The following KCNN2 variants were observed in gnomAD, a reference collection of about 807,000 sequenced individuals.
KCNN2 encodes small conductance calcium-activated potassium channel protein 2.
KCNN2 carries 24 observed loss-of-function variants against 55.5 expected under a neutral mutation model. The observed-to-expected ratio is 0.43, with a 90% confidence interval of 0.31 to 0.61. The LOEUF is 0.61. Ranked by LOEUF, KCNN2 falls within the 20% of genes least tolerant of loss-of-function variation. The probability of loss-of-function intolerance (pLI) is 0.08; values close to 1 mark genes in which losing one functional copy is unlikely to be tolerated. For synonymous variants in KCNN2, 431 were observed against 336.1 expected, an observed-to-expected ratio of 1.28 and a Z score of -3.09; for missense variants, 754 against 853.6, an observed-to-expected ratio of 0.88 and a Z score of 1.45.
intron 2 of KCNN2, among the ~76,000 whole-genome samples, chr5:114,277,457 G>A (rs983327092): frequency 2.4e-4 from 36 of 152,242 alleles, no homozygotes; most frequent in Non-Finnish European, 3.5e-4. Flanking sequence ...CATTCTCCCC[G>A]TCACTTTTAG....
chr5:114,091,217 C>T (rs1751137243), intron 1 of KCNN2, among the ~76,000 whole-genome samples: 1 of 152,060 alleles, frequency 6.6e-6, no homozygotes, highest in African/African-American at 2.4e-5. Flanking sequence ...GGTGGTCAGT[C>T]AAAATTAACC....
intron 1 of KCNN2, among the ~76,000 whole-genome samples, chr5:114,149,825 C>G (rs1311278354): frequency 6.6e-6 from 1 of 152,170 alleles, no homozygotes; most frequent in East Asian, 1.9e-4. Flanking sequence ...TGAAGCTAGA[C>G]AACCGGTTAG....
chr5:114,228,162 T>C (rs1754277061), intron 2 of KCNN2, among the ~76,000 whole-genome samples: 1 of 152,132 alleles, frequency 6.6e-6, no homozygotes, highest in Non-Finnish European at 1.5e-5. Flanking sequence ...CAATAAAATT[T>C]CAGTCTTGAG....
chr5:114,157,470 G>T (rs1752661045), intron 1 of KCNN2, among the ~76,000 whole-genome samples: 1 of 152,104 alleles, frequency 6.6e-6, no homozygotes, highest in Non-Finnish European at 1.5e-5. Context: ...AAACATACAT[G>T]TGCATGTGTC....
chr5:114,147,954 T>C (rs1435557189), intron 1 of KCNN2, among the ~76,000 whole-genome samples: 4 of 152,184 alleles, frequency 2.6e-5, no homozygotes, highest in African/African-American at 9.6e-5. Context: ...AATTAATTCA[T>C]CTTTAGTAGG....
At chr5:114,429,795 G>GGT (rs1259533212) in intron 3 of KCNN2, among the ~76,000 whole-genome samples, 2 of 144,950 alleles carry the variant, frequency 1.4e-5, no homozygotes, top group African/African-American at 5.1e-5. Context: ...TGGGTAGAAA[G>GGT]GTGTAAGGTC....
At chr5:114,178,148 G>GT (rs1753173156) in intron 1 of KCNN2, among the ~76,000 whole-genome samples, 1 of 151,918 alleles carries the variant, frequency 6.6e-6, no homozygotes. Context: ...TCAGTAAAAT[G>GT]TTTTTTACAT....
intron 2 of KCNN2, among the ~76,000 whole-genome samples, chr5:114,222,174 TC>T (rs1754152987): frequency 6.6e-6 from 1 of 152,176 alleles, no homozygotes; most frequent in Non-Finnish European, 1.5e-5. Flanking sequence ...CTCCTGTAGT[TC>T]CTTTCAAAAA....
intron 2 of KCNN2, among the ~76,000 whole-genome samples, chr5:114,373,657 T>TATATATATATATATATATATA (rs1175218618): frequency 8.5e-6 from 1 of 117,622 alleles, no homozygotes; most frequent in African/African-American, 3.0e-5. Flanking sequence ...TATATATATA[T>TATATATATATATATATATATA]AAAATTACTT....
At position 114,147,375 on chromosome 5, in the gene KCNN2, G is replaced by A. The variant is rs144302091; in HGVS notation, c.-270-74105G>A. ...GACAAAGGGACCACAATAATGTTTG[G>A]ATCAAAGCCGGAAATTTTAGTGATA... On this transcript the variant is annotated intron_variant, in intron 1 of 10. Coordinates refer to the KCNN2 transcript ENST00000512097. Among the ~76,000 whole-genome samples, 8 of 152,214 alleles carry A rather than the reference G, an allele frequency of 5.3e-5. No homozygotes were observed. The East Asian group carries it at 1.5e-3, about 29-fold the overall frequency.
intron 2 of KCNN2, among the ~76,000 whole-genome samples, chr5:114,246,964 T>C (rs1442236024): frequency 6.6e-6 from 1 of 151,386 alleles, no homozygotes; most frequent in Non-Finnish European, 1.5e-5. Flanking sequence ...ATTTCTCTGA[T>C]TTGTTACCTG....
At chr5:114,284,897 C>A (rs1281322251) in intron 2 of KCNN2, among the ~76,000 whole-genome samples, 1 of 152,070 alleles carries the variant, frequency 6.6e-6, no homozygotes, top group Non-Finnish European at 1.5e-5. Flanking sequence ...TGAAAACAGA[C>A]AAACTTTCCA....
chr5:114,143,157 A>G (rs528180805), intron 1 of KCNN2, among the ~76,000 whole-genome samples: 2 of 152,290 alleles, frequency 1.3e-5, no homozygotes, highest in East Asian at 1.9e-4. Context: ...GTGGGGGTAG[A>G]TTAGTAAGAA....
chr5:114,232,431 C>A (rs899717421), intron 2 of KCNN2, among the ~76,000 whole-genome samples: 1 of 150,956 alleles, frequency 6.6e-6, no homozygotes, highest in Non-Finnish European at 1.5e-5. Flanking sequence ...TCACTGGTAA[C>A]CATCAGTAAT....
intron 1 of KCNN2, among the ~76,000 whole-genome samples, chr5:114,061,457 A>G (rs553884775): frequency 1.6e-4 from 25 of 152,300 alleles, no homozygotes; most frequent in Admixed American, 7.8e-4. Flanking sequence ...TATAAATGAA[A>G]TCTAAGACTC....
intron 2 of KCNN2, among the ~76,000 whole-genome samples, chr5:114,231,885 A>G (rs921101359): frequency 6.6e-6 from 1 of 150,500 alleles, no homozygotes; most frequent in Admixed American, 6.6e-5. Flanking sequence ...TCTACTTGGC[A>G]TTAGGCTGTT....
rs545896476 is a variant in KCNN2 at position 114,404,942 on chromosome 5, G to C, written c.1637+86G>C. ...AAAAAAAATTTTAGACTTGAGACGT[G>C]TAGTGTCTCACTCTTAAAAATTTTG... On this transcript the variant is annotated intron_variant, in intron 3 of 7. Transcript: ENST00000673685. 1.6e-5 allele frequency: 19 copies of C among 1,177,476 alleles called. No individual in the cohort carries two copies. In the East Asian group the frequency reaches 4.5e-4, roughly 28 times the overall value. 72.9% of individuals were successfully genotyped at this position (1,177,476 alleles called of 1,614,324 possible).
intron 2 of KCNN2, among the ~76,000 whole-genome samples, chr5:114,380,922 A>C (rs1758103114): frequency 6.6e-6 from 1 of 152,154 alleles, no homozygotes; most frequent in Non-Finnish European, 1.5e-5. Context: ...TCTGCTGGAC[A>C]TTCTCAGGGC....
At chr5:114,182,088 T>G (rs1327411131) in intron 1 of KCNN2, among the ~76,000 whole-genome samples, 4 of 152,226 alleles carry the variant, frequency 2.6e-5, no homozygotes, top group Admixed American at 6.5e-5. Context: ...GATATCCATT[T>G]ATTTCAGGAC....
Sources: gnomAD v4.1 joint callset for allele counts (sites outside exome capture counted in the v4.1 genomes callset) on GRCh38, gnomAD v4.1.1 for gene constraint, MANE v1.5 for transcripts, NCBI Gene and HGNC (gene_info 2026-07-23, HGNC 2026-07-21) for gene names.